RIPOR1: variants seen among roughly 807,000 people sequenced by gnomAD.
RIPOR1 encodes rho family-interacting cell polarization regulator 1.
Under a neutral mutation model 116.5 loss-of-function variants are expected in RIPOR1, and 58 were observed. The observed-to-expected ratio is 0.50, with a 90% confidence interval of 0.40 to 0.62. The LOEUF (loss-of-function observed/expected upper bound fraction) is 0.62, where lower values mean the gene tolerates loss of function less well. Among genes scored for constraint, RIPOR1 ranks in the 20% least tolerant of loss-of-function variants. RIPOR1 has a pLI of 0.00. For missense variants in RIPOR1, 1,372 were observed against 1,586.2 expected, an observed-to-expected ratio of 0.86 and a Z score of 2.29; for synonymous variants, 605 against 650.0, an observed-to-expected ratio of 0.93 and a Z score of 1.05.
At position 67,529,618 on chromosome 16, in the gene RIPOR1, C is replaced by G. The variant is rs1259562680; in HGVS notation, c.-24+704C>G. On this transcript the variant is annotated intron_variant, in intron 1 of 21. Transcript: ENST00000042381. The surrounding 1 kb of genome is among the most constrained non-coding windows in gnomAD (Gnocchi z 4.1). ...GTCGGATTCAGTCCAGATTCAGCAC[C>G]CTTTGTCCTCCTCTCCAGGGTGAGC... The G allele has an allele frequency of 1.7e-5, 12 of 709,900 alleles. No individual in the cohort carries two copies. The highest frequency in any genetic ancestry group is 3.6e-5 in the African/African-American group (2 of 56,016). 44.0% of individuals were successfully genotyped at this position (709,900 alleles called of 1,614,324 possible).
Position 67,540,747 on chromosome 16 carries a change from AACCCCTTGTG to A in RIPOR1, c.801+49_801+58del, listed in dbSNP as rs746712299. The A allele has an allele frequency of 6.5e-7, 1 of 1,545,580 alleles. No homozygotes were observed. Among genetic ancestry groups the A allele is most frequent in the Non-Finnish European group, 8.7e-7 (1 of 1,145,944 alleles). On this transcript the variant is annotated intron_variant, in intron 10 of 21. Transcript: ENST00000042381. The surrounding 1 kb of genome is among the most constrained non-coding windows in gnomAD (Gnocchi z 4.7). ...GACGGCAGGCCACCATGGCCCTGTG[AACCCCTTGTG>A]ACCCCCATTACCCTGAGTCCCTTAC... is the stretch of plus-strand genomic sequence containing the variant.
Position 67,543,225 on chromosome 16 carries a change from C to A in RIPOR1, c.2439C>A (p.Gly813=). The change falls in exon 13 of 22, where the codon GGC becomes GGA. Residue 813 remains glycine, a synonymous_variant. Transcript: ENST00000042381. This position sits in a 1 kb window ranked among gnomAD's most constrained non-coding sequence, Gnocchi z 4.7. ...GTGGCCAGTTTCCTGAGCTGCAGGG[C>A]CTGGAGCAGGAGGTGACCCGCCTAG... ...DYRGQFPELQ[G]LEQEVTRLES... is the part of the protein sequence containing the mutation. 1 of 1,578,066 alleles carries A rather than the reference C, an allele frequency of 6.3e-7. No homozygotes were observed.
At position 67,546,211 on chromosome 16, in the gene RIPOR1, G is replaced by A. The variant is rs757360604; in HGVS notation, c.3542G>A (p.Arg1181Gln). The A allele has an allele frequency of 8.7e-6, 14 of 1,614,066 alleles. No individual in the cohort carries two copies. The highest frequency in any genetic ancestry group is 9.3e-6 in the Non-Finnish European group (11 of 1,180,036). ...TDTEAVREAA[R>Q]QSLQQCGEEG... ...ACAGAAGCTGTGAGGGAAGCTGCCCGGCAAAGCCTACAGCAGTGTGGTGAG... is the reference window on the plus strand; with the variant it reads ...ACAGAAGCTGTGAGGGAAGCTGCCCAGCAAAGCCTACAGCAGTGTGGTGAG... The change falls in exon 21 of 22, where the codon CGG becomes CAG. Residue 1181 changes from arginine (R) to glutamine (Q), a missense_variant. Arg to Gln is a conservative substitution (Grantham distance 43). This residue lies in a region of RIPOR1 where 1,005 missense variants were observed against 1,144.7 expected (regional missense o/e 0.88). Coordinates refer to ENST00000042381, the MANE Select transcript of RIPOR1 (RefSeq NM_024519.4).
Position 67,540,367 on chromosome 16 carries a change from C to T in RIPOR1, c.631+4C>T. 2 of 1,614,152 alleles carry T rather than the reference C, an allele frequency of 1.2e-6. No individual in the cohort carries two copies. The highest frequency in any genetic ancestry group is 1.7e-5 in the Admixed American group (1 of 60,026). On this transcript the variant is annotated splice_donor_region_variant and intron_variant, in intron 8 of 21. Transcript: ENST00000042381. The surrounding 1 kb of genome is among the most constrained non-coding windows in gnomAD (Gnocchi z 4.7). ...GAGTTTCATCTCCGAATGAAAGGTA[C>T]TGAGTTGTGGGGGCAGGTGGGGGGC...
Position 67,540,609 on chromosome 16 carries a change from A to C in RIPOR1, c.706A>C (p.Lys236Gln). The change falls in exon 10 of 22, where the codon AAA becomes CAA. Residue 236 changes from lysine (K) to glutamine (Q), a missense_variant. Physicochemically the swap from Lys to Gln is moderately conservative, Grantham distance 53. Around this residue, in one of 3 missense-constraint regions of RIPOR1, gnomAD observed 202 missense variants for 295.9 expected, o/e 0.68. Coordinates refer to ENST00000042381, the MANE Select transcript of RIPOR1 (RefSeq NM_024519.4). This position sits in a 1 kb window ranked among gnomAD's most constrained non-coding sequence, Gnocchi z 4.7. ...ICMKYGRQRW[K>Q]LRGRIEGSGK... The stretch of plus-strand genomic sequence containing the variant: ...CATGAAATATGGGCGTCAGCGCTGG[A>C]AACTACGGGGCCGAATTGAGGGTAG... 2 of 1,613,980 alleles carry C rather than the reference A, an allele frequency of 1.2e-6. No homozygotes were observed. Among genetic ancestry groups the C allele is most frequent in the Non-Finnish European group, 1.7e-6 (2 of 1,179,926 alleles).
rs2051142058 is a variant in RIPOR1 at position 67,545,705 on chromosome 16, G to C, written c.3232G>C (p.Val1078Leu). ...RNLNSDDQAV[V>L]LKALRLAPEG... ...TCTGAACTCGGATGATCAGGCTGTT[G>C]TGCTGAAGGCCCTGAGATTGGCGCC... Residue 1078 changes from valine to leucine, a missense_variant, in exon 19 of 22, where the codon GTG (valine) becomes CTG (leucine). Physicochemically the swap from Val to Leu is conservative, Grantham distance 32. Transcript: ENST00000042381. This position sits in a 1 kb window ranked among gnomAD's most constrained non-coding sequence, Gnocchi z 4.8. 6 of 1,588,522 alleles carry C rather than the reference G, an allele frequency of 3.8e-6. No homozygotes were observed. The East Asian group carries it at 1.3e-4, about 36-fold the overall frequency.
At chr16:67,524,849 C>T (rs1278342531), upstream of RIPOR1, among the ~76,000 whole-genome samples, 1 of 152,244 alleles carries the variant, frequency 6.6e-6, no homozygotes, top group Non-Finnish European at 1.5e-5. Context: ...ATTGCACCAG[C>T]CTCCTTGAGG....
At chr16:67,523,838 G>A (rs1020167680), upstream of RIPOR1, among the ~76,000 whole-genome samples, 33 of 151,966 alleles carry the variant, frequency 2.2e-4, no homozygotes, top group African/African-American at 7.5e-4. Context: ...CCACCATGGC[G>A]TGCTCATTTT....
chr16:67,531,491 G>C lies in RIPOR1; in HGVS notation c.-24+2577G>C. 1 of 373,652 alleles carries C rather than the reference G, an allele frequency of 2.7e-6. No individual in the cohort carries two copies. The highest frequency in any genetic ancestry group is 5.4e-6 in the Non-Finnish European group (1 of 186,662). 23.1% of individuals were successfully genotyped at this position (373,652 alleles called of 1,614,324 possible). On this transcript the variant is annotated intron_variant, in intron 1 of 21. Coordinates refer to ENST00000042381, the MANE Select transcript of RIPOR1 (RefSeq NM_024519.4). This position sits in a 1 kb window ranked among gnomAD's most constrained non-coding sequence, Gnocchi z 4.2. ...GTTCAGAGGGAGGAAGTCAAAAAGGGGGAACCAACCCAGGGCCTGCTTCCT... is the reference window on the plus strand; with the variant it reads ...GTTCAGAGGGAGGAAGTCAAAAAGGCGGAACCAACCCAGGGCCTGCTTCCT...
At chr16:67,533,095 T>C (rs2050703133) in intron 1 of RIPOR1, among the ~76,000 whole-genome samples, 1 of 152,032 alleles carries the variant, frequency 6.6e-6, no homozygotes, top group Admixed American at 6.6e-5. Flanking sequence ...TGACTGGTCA[T>C]AGGGGCTAAC....
chr16:67,525,093 G>A (rs1308464953), upstream of RIPOR1, among the ~76,000 whole-genome samples: 1 of 152,250 alleles, frequency 6.6e-6, no homozygotes, highest in African/African-American at 2.4e-5. Flanking sequence ...CCCAGCCTCA[G>A]CTGCTCCTTC....
At chr16:67,525,254 T>C (rs1250143927), upstream of RIPOR1, among the ~76,000 whole-genome samples, 1 of 152,112 alleles carries the variant, frequency 6.6e-6, no homozygotes, top group Non-Finnish European at 1.5e-5. Flanking sequence ...ATTTGGGGAC[T>C]TGGGAGGTGC....
rs2142545082 is a variant in RIPOR1, at chr16:67,540,819, GAT to G, written c.801+118_801+119del. ...CCTCATAGCTCCATAGCCCTGTGAA[GAT>G]ATGATTCCATGACCTTCATGATCTC... is the stretch of plus-strand genomic sequence containing the variant. On this transcript the variant is annotated intron_variant, in intron 10 of 21. Transcript: ENST00000042381. The surrounding 1 kb of genome is among the most constrained non-coding windows in gnomAD (Gnocchi z 4.7). The G allele has an allele frequency of 1.8e-6, 2 of 1,105,442 alleles. No individual in the cohort carries two copies. Among genetic ancestry groups the G allele is most frequent in the East Asian group, 2.4e-5 (1 of 41,594 alleles). 68.5% of individuals were successfully genotyped at this position (1,105,442 alleles called of 1,614,324 possible).
intron 1 of RIPOR1, among the ~76,000 whole-genome samples, chr16:67,518,882 T>G (rs559716943): frequency 6.6e-6 from 1 of 151,900 alleles, no homozygotes; most frequent in East Asian, 1.9e-4. Flanking sequence ...GAAGGAGAGG[T>G]TCCGGACCCA....
In RIPOR1 at chr16:67,540,436, CT is replaced by C. The variant is rs1567571160; in HGVS notation, c.632-21del. The C allele has an allele frequency of 6.2e-7, 1 of 1,614,208 alleles. No individual in the cohort carries two copies. Among genetic ancestry groups the C allele is most frequent in the Non-Finnish European group, 8.5e-7 (1 of 1,180,034 alleles). On this transcript the variant is annotated intron_variant, in intron 8 of 21. Transcript: ENST00000042381. The surrounding 1 kb of genome is among the most constrained non-coding windows in gnomAD (Gnocchi z 4.7). ...GAACCCCAATATGGCTCACCGACTT[CT>C]CCCCTTCTCCTCCAACTCAGGGCTG...
Position 67,540,386 on chromosome 16 carries a change from G to T in RIPOR1, c.631+23G>T, listed in dbSNP as rs199696724. Reference sequence around the variant, plus strand: ...AAGGTACTGAGTTGTGGGGGCAGGTGGGGGGCTGGAGGGAGTATGCTGAAG... The same window carrying T: ...AAGGTACTGAGTTGTGGGGGCAGGTTGGGGGCTGGAGGGAGTATGCTGAAG... On this transcript the variant is annotated intron_variant, in intron 8 of 21. Coordinates refer to ENST00000042381, the MANE Select transcript of RIPOR1 (RefSeq NM_024519.4). The surrounding 1 kb of genome is among the most constrained non-coding windows in gnomAD (Gnocchi z 4.7). The T allele has an allele frequency of 1.9e-6, 3 of 1,614,034 alleles. No homozygotes were observed. Among genetic ancestry groups the T allele is most frequent in the East Asian group, 2.2e-5 (1 of 44,888 alleles).
At position 67,545,293 on chromosome 16, in the gene RIPOR1, C is replaced by G; in HGVS notation, c.3032-83C>G. 6.4e-7 allele frequency: 1 copy of G among 1,555,418 alleles called. No homozygotes were observed. The highest frequency in any genetic ancestry group is 8.7e-7 in the Non-Finnish European group (1 of 1,148,048). On this transcript the variant is annotated intron_variant, in intron 17 of 21. Transcript: ENST00000042381. This position sits in a 1 kb window ranked among gnomAD's most constrained non-coding sequence, Gnocchi z 4.8. ...GGGGTTTGAACAGGGGGCCCCTGGACCTGAGCCTGGGATAGGAGCATCTCT... is the reference window on the plus strand; with the variant it reads ...GGGGTTTGAACAGGGGGCCCCTGGAGCTGAGCCTGGGATAGGAGCATCTCT...
intron 4 of RIPOR1, chr16:67,539,518 G>C: frequency 1.6e-6 from 1 of 638,938 alleles, no homozygotes; most frequent in East Asian, 2.7e-5. Flanking sequence ...GAGGTGGAAG[G>C]AGGGGTCCTG....
Position 67,543,171 on chromosome 16 carries a change from G to A in RIPOR1, c.2385G>A (p.Gly795=). The A allele has an allele frequency of 6.5e-7, 1 of 1,539,122 alleles. No homozygotes were observed. Among genetic ancestry groups the A allele is most frequent in the South Asian group, 1.3e-5 (1 of 78,328 alleles). The change falls in exon 13 of 22, where the codon GGG becomes GGA. Residue 795 remains glycine, a synonymous_variant. Transcript: ENST00000042381. This position sits in a 1 kb window ranked among gnomAD's most constrained non-coding sequence, Gnocchi z 4.7. ...SGDRSLEEAL[G]ALMAALDDYR... ...ACAGGAGCCTGGAGGAGGCACTGGG[G>A]GCCCTAATGGCTGCCCTGGATGACT...
Sources: allele counts gnomAD v4.1 joint callset (sites outside exome capture counted in the v4.1 genomes callset), GRCh38; gene constraint gnomAD v4.1.1; regional missense constraint gnomAD v4.1.1; non-coding constraint Gnocchi (gnomAD v3.1); transcripts MANE v1.5; gene names NCBI Gene and HGNC (gene_info 2026-07-23, HGNC 2026-07-21).